POC1B: variants seen among roughly 807,000 people sequenced by gnomAD.
POC1B encodes POC1 centriolar protein B.
In POC1B, 44 loss-of-function variants were observed where a neutral mutation model predicts 60.6. The observed-to-expected ratio is 0.73, with a 90% CI of 0.57 to 0.93. The LOEUF (loss-of-function observed/expected upper bound fraction) is 0.93. Ranked by LOEUF, POC1B falls within the 40% of genes least tolerant of loss-of-function variation. The probability of loss-of-function intolerance (pLI) is 0.00; values close to 1 mark genes in which losing one functional copy is unlikely to be tolerated. For synonymous variants in POC1B, 180 were observed against 198.9 expected (o/e 0.90, Z 0.80); for missense variants, 555 against 572.3 (o/e 0.97, Z 0.31).
chr12:89,404,209 G>A, the POC1B span, among the ~76,000 whole-genome samples: 3 of 152,166 alleles, frequency 2.0e-5, no homozygotes, highest in Admixed American at 1.3e-4. Flanking sequence ...TTCCTACAGA[G>A]GCTTCTGATG....
In POC1B at chr12:89,430,750, C is replaced by T. The variant is rs1379558117; in HGVS notation, c.1114-5371G>A. ...GTATTCCCCATTAGATTATGAACCC[C>T]TCATGTGGGGTCAGTAACTTTATCA... On this transcript the variant is annotated intron_variant, in intron 10 of 11. Transcript: ENST00000313546. Among the ~76,000 whole-genome samples, 5 of 152,220 alleles carry T rather than the reference C, an allele frequency of 3.3e-5. No homozygotes were observed. The East Asian group carries it at 9.7e-4, about 29-fold the overall frequency.
intron 2 of POC1B, chr12:89,523,792 C>T: frequency 1.3e-6 from 2 of 1,535,008 alleles, no homozygotes; most frequent in Non-Finnish European, 1.7e-6. Context: ...TATAACAGGA[C>T]ACACAACTGC....
chr12:89,504,267 T>G (rs1869782895), intron 2 of POC1B, among the ~76,000 whole-genome samples: 1 of 152,218 alleles, frequency 6.6e-6, no homozygotes, highest in Admixed American at 6.5e-5. Context: ...CTAAGAAAGA[T>G]TCTTCTGCTT....
intron 4 of POC1B, among the ~76,000 whole-genome samples, chr12:89,478,878 T>C (rs1477982992): frequency 1.3e-5 from 2 of 152,216 alleles, no homozygotes; most frequent in South Asian, 2.1e-4. Context: ...AGTTCTCTAC[T>C]ACATTAACTT....
chr12:89,502,631 G>GT, intron 2 of POC1B: 1 of 1,330,126 alleles, frequency 7.5e-7, no homozygotes. Context: ...CATGGATCTT[G>GT]TAAGGCCACA....
At chr12:89,482,070 T>A (rs1023815214) in intron 4 of POC1B, among the ~76,000 whole-genome samples, 1 of 152,144 alleles carries the variant, frequency 6.6e-6, no homozygotes, top group Non-Finnish European at 1.5e-5. Flanking sequence ...ACAGGACATA[T>A]GAAGCAGCAG....
downstream of POC1B, among the ~76,000 whole-genome samples, chr12:89,414,928 A>G (rs1371471990): frequency 6.6e-6 from 1 of 152,256 alleles, no homozygotes; most frequent in Non-Finnish European, 1.5e-5. Context: ...GAGAAAAGGC[A>G]GTAAGCAGAT....
chr12:89,415,332 GAAACAAA>G (rs1215477202), downstream of POC1B, among the ~76,000 whole-genome samples: 2 of 152,078 alleles, frequency 1.3e-5, no homozygotes, highest in African/African-American at 4.8e-5. Context: ...GGAGTCCAGA[GAAACAAA>G]ATGATTTATT....
rs995025020 is a variant in POC1B at position 89,501,459 on chromosome 12, C to T, written c.101-4117G>A. On this transcript the variant is annotated intron_variant, in intron 2 of 11. Transcript: ENST00000313546. ...TACATATGTCACATATTACCCAAGA[C>T]AAATTTCAAAGAAATTCAGACAGAA... 7.1e-6 allele frequency: 7 copies of T among 984,866 alleles called. No individual in the cohort carries two copies. The African/African-American group carries it at 1.1e-4, about 16-fold the overall frequency. 61.0% of individuals were successfully genotyped at this position (984,866 alleles called of 1,614,324 possible).
intron 9 of POC1B, among the ~76,000 whole-genome samples, chr12:89,466,361 C>T (rs1167447414): frequency 1.3e-5 from 2 of 152,126 alleles, no homozygotes; most frequent in Non-Finnish European, 2.9e-5. Flanking sequence ...CTTCTTTTAC[C>T]TGTCCATAAG....
intron 2 of POC1B, among the ~76,000 whole-genome samples, chr12:89,514,075 C>T (rs1870318449): frequency 6.6e-6 from 1 of 152,130 alleles, no homozygotes; most frequent in Non-Finnish European, 1.5e-5. Flanking sequence ...GACTTATGAC[C>T]CCACCCAAAT....
rs749740287 is a variant in POC1B, at chr12:89,492,006, C to G, written c.382G>C (p.Val128Leu). The G allele has an allele frequency of 5.6e-6, 9 of 1,609,030 alleles. No homozygotes were observed. The highest frequency in any genetic ancestry group is 3.3e-4 in the Middle Eastern group (2 of 6,040). Residue 128 changes from valine (V) to leucine (L), a missense_variant, in exon 4 of 12, where the codon GTA (valine) becomes CTA (leucine). Val to Leu is a conservative substitution (Grantham distance 32). Coordinates refer to ENST00000313546, the MANE Select transcript of POC1B (RefSeq NM_172240.3). ...AAGCGCTGGCGATACATGCTCCATA[C>G]TTTTATGGATTTGTCTTCAGAAGCT... ...ATASEDKSIK[V>L]WSMYRQRFLY...
At chr12:89,467,265 T>G (rs746589850) in intron 8 of POC1B, among the ~76,000 whole-genome samples, 8 of 152,154 alleles carry the variant, frequency 5.3e-5, no homozygotes, top group Non-Finnish European at 7.4e-5. Context: ...TCATTTCAGA[T>G]AAATGCAGAT....
At chr12:89,453,885 G>A (rs903464664) in intron 10 of POC1B, among the ~76,000 whole-genome samples, 2 of 152,136 alleles carry the variant, frequency 1.3e-5, no homozygotes, top group Non-Finnish European at 2.9e-5. Context: ...TTGTCAGCAC[G>A]TTAATATTTT....
chr12:89,481,865 C>T (rs1482709945), intron 4 of POC1B, among the ~76,000 whole-genome samples: 7 of 152,138 alleles, frequency 4.6e-5, no homozygotes, highest in African/African-American at 1.7e-4. Context: ...GCCAGTGGCA[C>T]TACAGCCCAT....
At chr12:89,450,864 G>T (rs1882011083) in intron 10 of POC1B, among the ~76,000 whole-genome samples, 2 of 152,100 alleles carry the variant, frequency 1.3e-5, no homozygotes, top group African/African-American at 4.8e-5. Context: ...ATCACTCAGG[G>T]TTCAGCAGAA....
intron 2 of POC1B, chr12:89,520,249 T>A (rs1231102986): frequency 6.6e-6 from 1 of 152,136 alleles, no homozygotes; most frequent in Non-Finnish European, 1.5e-5. Context: ...AGAATTAAGG[T>A]ACTTTATTTT....
intron 4 of POC1B, 117 bp from the exon 5 acceptor site, chr12:89,472,392 C>T: frequency 4.6e-6 from 3 of 659,154 alleles, no homozygotes; most frequent in Non-Finnish European, 7.8e-6. Flanking sequence ...CCACTGTTAC[C>T]ATCCCATGCA....
intron 10 of POC1B, among the ~76,000 whole-genome samples, chr12:89,444,333 G>A (rs937223720): frequency 6.6e-6 from 1 of 152,160 alleles, no homozygotes; most frequent in African/African-American, 2.4e-5. Context: ...TATCCCTGAT[G>A]AACAGCGATG....
Sources: allele counts gnomAD v4.1 joint callset (sites outside exome capture counted in the v4.1 genomes callset), GRCh38; gene constraint gnomAD v4.1.1; transcripts MANE v1.5; gene names NCBI Gene and HGNC (gene_info 2026-07-23, HGNC 2026-07-21).